The following PLEK variants were observed in gnomAD, a reference collection of about 807,000 sequenced individuals.
PLEK encodes the protein platelet 47 kDa protein.
PLEK carries 25 observed loss-of-function variants against 43.9 expected under a neutral mutation model. The ratio of observed to expected loss-of-function variants is 0.57; its 90% CI spans 0.41 to 0.79. The LOEUF is 0.79. Among genes scored for constraint, PLEK ranks in the 30% least tolerant of loss-of-function variants. The probability of loss-of-function intolerance (pLI) is 0.00; values close to 1 mark genes in which losing one functional copy is unlikely to be tolerated. For synonymous variants in PLEK, 152 were observed against 144.4 expected (o/e 1.05, Z -0.38); for missense variants, 396 against 413.3 (o/e 0.96, Z 0.36).
intron 1 of PLEK, among the ~76,000 whole-genome samples, chr2:68,365,850 C>T (rs979931921): frequency 3.9e-5 from 6 of 152,094 alleles, no homozygotes; most frequent in East Asian, 1.9e-4. Flanking sequence ...AGAGTAATTA[C>T]GGCTTATTTC....
rs542277680 is a variant in PLEK, at chr2:68,365,757, T to C, written c.42+364T>C. Among the ~76,000 whole-genome samples the C allele has an allele frequency of 2.0e-4, 31 of 152,306 alleles. No homozygotes were observed. The South Asian group carries it at 3.5e-3, about 17-fold the overall frequency. ...GGAGGTTTCTTGGAGGGACTATTCA[T>C]TTTTTATTTAAATTCCACTTCCCCT... On this transcript the variant is annotated intron_variant, in intron 1 of 8. Coordinates refer to ENST00000234313, the MANE Select transcript of PLEK (RefSeq NM_002664.3).
At position 68,396,034 on chromosome 2, in the gene PLEK, G is replaced by T. The variant is rs1673957649; in HGVS notation, c.*218G>T. 3.9e-6 allele frequency: 2 copies of T among 510,242 alleles called. No individual in the cohort carries two copies. Among genetic ancestry groups the T allele is most frequent in the Non-Finnish European group, 7.1e-6 (2 of 281,310 alleles). 31.6% of individuals were successfully genotyped at this position (510,242 alleles called of 1,614,324 possible). ...CTCTGCCCCTATCCATGACCCCCAA[G>T]CAGATATAACAAGCTGTGCAGCCTC... On this transcript the variant is annotated 3_prime_UTR_variant, in exon 9 of 9. Coordinates refer to ENST00000234313, the MANE Select transcript of PLEK (RefSeq NM_002664.3).
intron 6 of PLEK, 116 bp downstream of exon 6, chr2:68,388,607 C>A (rs956361362): frequency 1.2e-5 from 7 of 603,746 alleles, no homozygotes; most frequent in South Asian, 2.1e-5. Flanking sequence ...AAAATGAAAC[C>A]CACAAAGTGA....
intron 3 of PLEK, among the ~76,000 whole-genome samples, chr2:68,381,491 G>T (rs1673615703): frequency 6.6e-6 from 1 of 152,156 alleles, no homozygotes; most frequent in Non-Finnish European, 1.5e-5. Context: ...CTTCCTTCCT[G>T]AGTATCTCAC....
chr2:68,380,719 T>A lies in PLEK; in HGVS notation c.199-4T>A, dbSNP rs1432669587. The A allele has an allele frequency of 6.8e-6, 11 of 1,612,242 alleles. 1 individual carries two copies. Among genetic ancestry groups the A allele is most frequent in the East Asian group, 6.7e-5 (3 of 44,880 alleles). On this transcript the variant is annotated splice_region_variant and splice_polypyrimidine_tract_variant and intron_variant, in intron 2 of 8. Coordinates refer to ENST00000234313, the MANE Select transcript of PLEK (RefSeq NM_002664.3). The stretch of plus-strand genomic sequence containing the variant: ...TTTCTAATGGGATGTGTTTTGATTT[T>A]CAGTTTGTGTTTAAGATCACTACGA...
intron 1 of PLEK, among the ~76,000 whole-genome samples, chr2:68,378,905 G>A (rs1192231147): frequency 6.6e-6 from 1 of 152,106 alleles, no homozygotes; most frequent in Non-Finnish European, 1.5e-5. Context: ...TGAGGCAGAA[G>A]GAACACGAGA....
intron 1 of PLEK, among the ~76,000 whole-genome samples, chr2:68,377,565 T>C (rs2103766868): frequency 6.6e-6 from 1 of 152,344 alleles, no homozygotes; most frequent in African/African-American, 2.4e-5. Context: ...CATTTGTATG[T>C]CTGCCTTTGA....
chr2:68,380,424 A>G lies in PLEK; in HGVS notation c.139A>G (p.Met47Val). 6.2e-7 allele frequency: 1 copy of G among 1,613,982 alleles called. No individual in the cohort carries two copies. The highest frequency in any genetic ancestry group is 8.5e-7 in the Non-Finnish European group (1 of 1,179,844). The change falls in exon 2 of 9, where the codon ATG becomes GTG. Residue 47 changes from methionine (M) to valine (V), a missense_variant. Physicochemically the swap from Met to Val is conservative, Grantham distance 21 (BLOSUM62 1). Transcript: ENST00000234313. ...KKKSDNSPKGMIPLKGSTLTS... is the reference protein window; with the variant it reads ...KKKSDNSPKGVIPLKGSTLTS... Reference sequence around the variant, plus strand: ...GAAAAGTGACAACAGCCCCAAAGGAATGATCCCGCTGAAAGGGAGCACTCT... The same window carrying G: ...GAAAAGTGACAACAGCCCCAAAGGAGTGATCCCGCTGAAAGGGAGCACTCT...
intron 6 of PLEK, among the ~76,000 whole-genome samples, chr2:68,389,843 A>T (rs1196098245): frequency 1.3e-5 from 2 of 152,196 alleles, no homozygotes; most frequent in Non-Finnish European, 2.9e-5. Context: ...GTTTTGCCAA[A>T]TATTCCTATG....
intron 1 of PLEK, among the ~76,000 whole-genome samples, chr2:68,367,156 C>T (rs1406335926): frequency 6.6e-6 from 1 of 151,978 alleles, no homozygotes; most frequent in African/African-American, 2.4e-5. Context: ...CAATTTATAT[C>T]TTCCATAATT....
intron 1 of PLEK, among the ~76,000 whole-genome samples, chr2:68,368,541 A>G (rs1300183610): frequency 6.6e-6 from 1 of 152,248 alleles, no homozygotes; most frequent in Non-Finnish European, 1.5e-5. Context: ...AACTCACTAG[A>G]GCCAGAGCAA....
At position 68,372,121 on chromosome 2, in the gene PLEK, C is replaced by A. The variant is rs546256531; in HGVS notation, c.42+6728C>A. Reference sequence around the variant, plus strand: ...TTTAATCATATGATGATACAAATATCTATGCATTTTCATTTGCTTTTCAGT... The same window carrying A: ...TTTAATCATATGATGATACAAATATATATGCATTTTCATTTGCTTTTCAGT... On this transcript the variant is annotated intron_variant, in intron 1 of 8. Coordinates refer to ENST00000234313, the MANE Select transcript of PLEK (RefSeq NM_002664.3). 2.5e-4 allele frequency among the ~76,000 whole-genome samples: 38 copies of A among 151,886 alleles called. 1 individual carries two copies. In the South Asian group the frequency reaches 7.9e-3, roughly 32 times the overall value.
intron 6 of PLEK, among the ~76,000 whole-genome samples, chr2:68,391,474 C>G (rs1234437536): frequency 6.6e-6 from 1 of 152,198 alleles, no homozygotes. Flanking sequence ...CTATGCTTTG[C>G]AAAAGCCATT....
intron 1 of PLEK, among the ~76,000 whole-genome samples, chr2:68,377,457 G>T (rs1426088502): frequency 6.6e-6 from 1 of 152,064 alleles, no homozygotes; most frequent in East Asian, 1.9e-4. Flanking sequence ...TTGGTTAAAA[G>T]CCATTTTGAC....
At chr2:68,383,151 C>A (rs986050737) in intron 4 of PLEK, among the ~76,000 whole-genome samples, 1 of 152,196 alleles carries the variant, frequency 6.6e-6, no homozygotes, top group African/African-American at 2.4e-5. Context: ...AGTTATAAAA[C>A]CTTGGCTCAA....
At chr2:68,392,174 C>CTTCTTCTT (rs1553358889) in intron 6 of PLEK, among the ~76,000 whole-genome samples, 21,979 of 149,204 alleles carry the variant, frequency 0.15, 2,082 homozygotes, top group African/African-American at 0.28. Context: ...TCCTCCTCCT[C>CTTCTTCTT]CTTCTTCTTC....
rs1044356910 is a variant in PLEK at position 68,365,282 on chromosome 2, A to G, written c.-70A>G. 7 of 1,373,678 alleles carry G rather than the reference A, an allele frequency of 5.1e-6. No individual in the cohort carries two copies. Among genetic ancestry groups the G allele is most frequent in the Non-Finnish European group, 7.3e-6 (7 of 962,954 alleles). 85.1% of individuals were successfully genotyped at this position (1,373,678 alleles called of 1,614,324 possible). On this transcript the variant is annotated 5_prime_UTR_variant, in exon 1 of 9. An upstream start codon of the reference 5' UTR is lost. Transcript: ENST00000234313. ...AAAGGCGGCCCACAGCCACCTCAGC[A>G]TGCAGAGGAGGCCCAGCTGCTGAGA...
chr2:68,382,648 A>G lies in PLEK; in HGVS notation c.472+15A>G, dbSNP rs761025785. 2 of 1,467,312 alleles carry G rather than the reference A, an allele frequency of 1.4e-6. No homozygotes were observed. The highest frequency in any genetic ancestry group is 1.9e-6 in the Non-Finnish European group (2 of 1,047,062). The allele number at this position is 1,467,312 out of a possible 1,614,324, so 90.9% of individuals were successfully genotyped here. ...CTGCTTCACAGGTAAAAGCACTTGC[A>G]GGCCTGAAATAGGGCGACTGGGAAG... On this transcript the variant is annotated intron_variant, in intron 4 of 8. Transcript: ENST00000234313.
chr2:68,387,553 A>G (rs1172376604), intron 5 of PLEK, among the ~76,000 whole-genome samples: 1 of 152,178 alleles, frequency 6.6e-6, no homozygotes, highest in African/African-American at 2.4e-5. Context: ...TACCTCCCAC[A>G]GTATGCTTAC....
Sources: gnomAD v4.1 joint callset for allele counts (sites outside exome capture counted in the v4.1 genomes callset) on GRCh38, gnomAD v4.1.1 for gene constraint, MANE v1.5 for transcripts, NCBI Gene and HGNC (gene_info 2026-07-23, HGNC 2026-07-21) for gene names.